C12orf42: variants seen among roughly 807,000 people sequenced by gnomAD.
The protein encoded by C12orf42 is chromosome 12 open reading frame 42, also known as uncharacterized protein C12orf42.
A neutral mutation model predicts 21.6 loss-of-function variants in C12orf42; 25 were observed. The observed-to-expected ratio is 1.16, with a 90% CI of 0.84 to 1.62. The LOEUF (loss-of-function observed/expected upper bound fraction) is 1.62, where lower values mean the gene tolerates loss of function less well. Among genes scored for constraint, C12orf42 ranks in the 40% most tolerant of loss-of-function variants. C12orf42 has a pLI of 0.00. For synonymous variants in C12orf42, 174 were observed against 175.0 expected, an observed-to-expected ratio of 0.99 and a Z score of 0.05; for missense variants, 483 against 459.3, an observed-to-expected ratio of 1.05 and a Z score of -0.47.
At chr12:103,546,384 C>T in the C12orf42 span, among the ~76,000 whole-genome samples, 2 of 152,166 alleles carry the variant, frequency 1.3e-5, no homozygotes, top group Non-Finnish European at 2.9e-5. Context: ...GGCACATCTT[C>T]CCTAAGGGGA....
At chr12:103,220,384 T>G in the C12orf42 span, among the ~76,000 whole-genome samples, 14 of 152,088 alleles carry the variant, frequency 9.2e-5, no homozygotes, top group South Asian at 2.3e-3. Context: ...ATCCCAAAAC[T>G]GTAAGTATAA....
chr12:103,053,804 G>A, the C12orf42 span, among the ~76,000 whole-genome samples: 2,896 of 151,848 alleles, frequency 0.019, 100 homozygotes, highest in African/African-American at 0.066. Flanking sequence ...TGATTTTTAC[G>A]ATGGCCTGTG....
chr12:103,407,372 A>G (rs894807548), intron 2 of C12orf42, among the ~76,000 whole-genome samples: 1 of 152,194 alleles, frequency 6.6e-6, no homozygotes, highest in African/African-American at 2.4e-5. Context: ...CTACTAATAC[A>G]GTGATTTTCT....
At chr12:103,207,785 C>T in the C12orf42 span, among the ~76,000 whole-genome samples, 2 of 152,148 alleles carry the variant, frequency 1.3e-5, no homozygotes, top group African/African-American at 2.4e-5. Context: ...TCTGATCCAT[C>T]TTCTTGAAGA....
At chr12:103,258,941 T>A (rs1300679531) in intron 10 of C12orf42, among the ~76,000 whole-genome samples, 1 of 152,168 alleles carries the variant, frequency 6.6e-6, no homozygotes, top group East Asian at 1.9e-4. Flanking sequence ...TGAACCCCAC[T>A]AATATGCTGA....
In C12orf42 at chr12:103,457,766, T is replaced by G. The variant is rs148969335; in HGVS notation, c.78+20583A>C. Among the ~76,000 whole-genome samples the G allele has an allele frequency of 1.9e-3, 287 of 152,322 alleles. 1 individual carries two copies. Among genetic ancestry groups the G allele is most frequent in the African/African-American group, 6.5e-3 (269 of 41,576 alleles). Reference sequence around the variant, plus strand: ...TCCCACAAGTTTCACGTTTATATGCTCTGCCCTCCTGGCAGGGGGTGGGGG... The same window carrying G: ...TCCCACAAGTTTCACGTTTATATGCGCTGCCCTCCTGGCAGGGGGTGGGGG... On this transcript the variant is annotated intron_variant, in intron 2 of 5. Coordinates refer to ENST00000548883, the MANE Select transcript of C12orf42 (RefSeq NM_198521.5).
chr12:103,365,322 C>T (rs576313897), intron 4 of C12orf42, among the ~76,000 whole-genome samples: 1 of 152,056 alleles, frequency 6.6e-6, no homozygotes, highest in East Asian at 1.9e-4. Context: ...AAGTGACATG[C>T]CTCAATGTAA....
chr12:103,457,391 C>T (rs1342227300), intron 2 of C12orf42, among the ~76,000 whole-genome samples: 1 of 152,078 alleles, frequency 6.6e-6, no homozygotes, highest in Non-Finnish European at 1.5e-5. Context: ...CATGTTTATA[C>T]CCCAAAAATT....
chr12:103,425,785 T>C (rs1037954349), intron 2 of C12orf42, among the ~76,000 whole-genome samples: 11 of 152,010 alleles, frequency 7.2e-5, no homozygotes, highest in African/African-American at 2.2e-4. Flanking sequence ...TGCCTTTCTT[T>C]CAGAGATTCC....
chr12:103,529,381 T>A, the C12orf42 span, among the ~76,000 whole-genome samples: 7 of 152,258 alleles, frequency 4.6e-5, no homozygotes, highest in Non-Finnish European at 1.0e-4. Context: ...CTTTGTCCAT[T>A]CCTGTAAATG....
At chr12:103,251,373 A>T (rs1386068152) in intron 10 of C12orf42, among the ~76,000 whole-genome samples, 1 of 152,116 alleles carries the variant, frequency 6.6e-6, no homozygotes, top group Non-Finnish European at 1.5e-5. Context: ...ATTCCCTTAC[A>T]CAAACTTTAA....
intron 4 of C12orf42, among the ~76,000 whole-genome samples, chr12:103,322,682 T>A (rs554762582): frequency 6.6e-6 from 1 of 152,224 alleles, no homozygotes; most frequent in African/African-American, 2.4e-5. Context: ...GTTGCTGTTA[T>A]TGTATTTCAT....
At chr12:103,345,522 G>A (rs1331148985) in intron 4 of C12orf42, among the ~76,000 whole-genome samples, 2 of 152,092 alleles carry the variant, frequency 1.3e-5, no homozygotes, top group Non-Finnish European at 2.9e-5. Context: ...AGAAAATTAT[G>A]GGATTATGTT....
chr12:103,174,834 T>G, the C12orf42 span, among the ~76,000 whole-genome samples: 5 of 152,276 alleles, frequency 3.3e-5, no homozygotes, highest in African/African-American at 1.2e-4. Context: ...TCTCACCAAG[T>G]GATGTCAAAG....
chr12:103,068,931 CCACATATATA>C, the C12orf42 span, among the ~76,000 whole-genome samples: 8 of 47,056 alleles, frequency 1.7e-4, no homozygotes, highest in Non-Finnish European at 8.3e-5. Flanking sequence ...ATCTCTCTCT[CCACATATATA>C]TATATATATA....
intron 10 of C12orf42, among the ~76,000 whole-genome samples, chr12:103,239,694 G>A (rs1306299785): frequency 6.6e-6 from 1 of 152,152 alleles, no homozygotes; most frequent in African/African-American, 2.4e-5. Context: ...AGCTGTTGAG[G>A]GGGGCAAGGG....
the C12orf42 span, among the ~76,000 whole-genome samples, chr12:103,069,436 A>G: frequency 2.6e-5 from 4 of 152,168 alleles, no homozygotes; most frequent in Non-Finnish European, 1.5e-5. Context: ...AGCCTAGTCT[A>G]CCTTAAACAT....
intron 2 of C12orf42, among the ~76,000 whole-genome samples, chr12:103,406,359 G>A (rs1335785476): frequency 6.6e-6 from 1 of 152,180 alleles, no homozygotes; most frequent in Non-Finnish European, 1.5e-5. Context: ...GTATGGTCAA[G>A]AAAAGACATA....
chr12:103,232,343 T>C, the C12orf42 span, among the ~76,000 whole-genome samples: 1 of 152,150 alleles, frequency 6.6e-6, no homozygotes, highest in Non-Finnish European at 1.5e-5. Context: ...CTTTTATGGA[T>C]TGTGCGTTTG....
Sources: allele counts gnomAD v4.1 joint callset (sites outside exome capture counted in the v4.1 genomes callset), GRCh38; gene constraint gnomAD v4.1.1; transcripts MANE v1.5; gene names NCBI Gene and HGNC (gene_info 2026-07-23, HGNC 2026-07-21).